Variants in SDK1 observed in about 807,000 individuals in gnomAD.
The protein encoded by SDK1 is sidekick cell adhesion molecule 1.
A neutral mutation model predicts 245.5 loss-of-function variants in SDK1; 157 were observed. The observed-to-expected ratio is 0.64, with a 90% CI of 0.56 to 0.73. The LOEUF (loss-of-function observed/expected upper bound fraction) is 0.73. Among genes scored for constraint, SDK1 ranks in the 30% least tolerant of loss-of-function variants. SDK1 has a pLI of 0.00. For missense variants in SDK1, 3,583 were observed against 3,002.3 expected (o/e 1.19, Z -4.52); for synonymous variants, 1,647 against 1,278.5 (o/e 1.29, Z -6.15).
chr7:4,260,278 C>T (rs371649598), intron 44 of SDK1, among the ~76,000 whole-genome samples: 3 of 138,856 alleles, frequency 2.2e-5, no homozygotes, highest in South Asian at 2.5e-4. Flanking sequence ...TCCAGGGCCT[C>T]GGTGTGTGTG....
At chr7:3,358,429 GTT>G (rs10713399) in intron 1 of SDK1, among the ~76,000 whole-genome samples, 25,864 of 145,976 alleles carry the variant, frequency 0.18, 3,045 homozygotes, top group African/African-American at 0.34. Flanking sequence ...TCATTACAAC[GTT>G]TTTTTTTTTT....
Position 3,301,548 on chromosome 7 carries a change from G to A in SDK1, c.-39G>A. 1.3e-6 allele frequency: 1 copy of A among 759,320 alleles called. No homozygotes were observed. The highest frequency in any genetic ancestry group is 1.6e-6 in the Non-Finnish European group (1 of 627,362). The allele number at this position is 759,320 out of a possible 1,614,324, so 47.0% of individuals were successfully genotyped here. ...GCCGTCCCGCCTGTCCTGCCCGCCC[G>A]TCCGTCCGGCGCGGCGCTCGGGGTG... On this transcript the variant is annotated 5_prime_UTR_variant, in exon 1 of 45. Transcript: ENST00000404826.
chr7:3,322,866 G>A (rs1779852108), intron 1 of SDK1, among the ~76,000 whole-genome samples: 1 of 152,132 alleles, frequency 6.6e-6, no homozygotes, highest in Admixed American at 6.5e-5. Flanking sequence ...CTGGGGTGTG[G>A]TGGTGTGATC....
intron 17 of SDK1, among the ~76,000 whole-genome samples, chr7:4,039,527 A>T (rs1234802220): frequency 2.0e-5 from 3 of 152,238 alleles, no homozygotes; most frequent in Non-Finnish European, 4.4e-5. Flanking sequence ...GAAAAATTCA[A>T]AAAGCAAAGC....
At chr7:3,884,431 A>C (rs1367965599) in intron 5 of SDK1, among the ~76,000 whole-genome samples, 3 of 152,148 alleles carry the variant, frequency 2.0e-5, no homozygotes, top group Non-Finnish European at 4.4e-5. Context: ...TGTGAGTATC[A>C]CTGCACGCCA....
At chr7:3,969,645 C>T (rs1422684383) in intron 11 of SDK1, among the ~76,000 whole-genome samples, 3 of 152,130 alleles carry the variant, frequency 2.0e-5, no homozygotes, top group African/African-American at 7.2e-5. Context: ...AGGGGCATTG[C>T]AGGAGAGACG....
chr7:4,193,202 A>G (rs911508514), intron 35 of SDK1, among the ~76,000 whole-genome samples: 10 of 132,560 alleles, frequency 7.5e-5, no homozygotes, highest in African/African-American at 2.6e-4. Context: ...TAATATATTT[A>G]TATATTAATA....
intron 41 of SDK1, among the ~76,000 whole-genome samples, chr7:4,235,973 G>A (rs1356115057): frequency 2.0e-5 from 3 of 152,240 alleles, no homozygotes; most frequent in Non-Finnish European, 4.4e-5. Flanking sequence ...TGTGGCATGC[G>A]TCAGACTTGC....
intron 4 of SDK1, among the ~76,000 whole-genome samples, chr7:3,682,510 G>T (rs1264755644): frequency 3.3e-5 from 5 of 152,294 alleles, no homozygotes; most frequent in Non-Finnish European, 5.9e-5. Flanking sequence ...GAACTGTCCA[G>T]GGTCAGAACT....
chr7:3,975,931 GA>G lies in SDK1; in HGVS notation c.1994+1387del, dbSNP rs879610396. Among the ~76,000 whole-genome samples, 1,375 of 146,940 alleles carry G rather than the reference GA, an allele frequency of 9.4e-3. 10 individuals are homozygous for G. The highest frequency in any genetic ancestry group is 0.012 in the Non-Finnish European group (780 of 66,134). On this transcript the variant is annotated intron_variant, in intron 13 of 44. Transcript: ENST00000404826. ...GTAGAGGGTCCTCCAGAGAATCACT[GA>G]GGGTCCCGGGGCTGAGGCTGCCACG...
At chr7:3,805,328 A>G (rs1257166003) in intron 4 of SDK1, among the ~76,000 whole-genome samples, 1 of 152,172 alleles carries the variant, frequency 6.6e-6, no homozygotes, top group Non-Finnish European at 1.5e-5. Context: ...ATCTGCAAAT[A>G]GAGGCAGTTC....
At chr7:3,455,651 C>T (rs1227302596) in intron 1 of SDK1, among the ~76,000 whole-genome samples, 1 of 152,084 alleles carries the variant, frequency 6.6e-6, no homozygotes, top group Admixed American at 6.6e-5. Flanking sequence ...GACTCTTCCT[C>T]CACCGATACC....
At chr7:3,715,344 G>A (rs957876925) in intron 4 of SDK1, among the ~76,000 whole-genome samples, 4 of 152,060 alleles carry the variant, frequency 2.6e-5, no homozygotes, top group Admixed American at 1.3e-4. Context: ...AGCATTTTCC[G>A]ATCCGTTTAC....
intron 40 of SDK1, among the ~76,000 whole-genome samples, chr7:4,232,407 CTTTCTTTTT>C (rs1226151992): frequency 1.2e-4 from 9 of 73,190 alleles, no homozygotes; most frequent in African/African-American, 4.1e-4. Context: ...CTTTTCTTTT[CTTTCTTTTT>C]TTTTTTTTTT....
chr7:3,765,465 T>G (rs1235061264), intron 4 of SDK1, among the ~76,000 whole-genome samples: 1 of 152,214 alleles, frequency 6.6e-6, no homozygotes, highest in Non-Finnish European at 1.5e-5. Context: ...TGGCTCAACG[T>G]TATGCTTGTA....
chr7:4,152,871 C>T (rs972648745), intron 30 of SDK1, among the ~76,000 whole-genome samples: 2 of 152,130 alleles, frequency 1.3e-5, no homozygotes, highest in Non-Finnish European at 2.9e-5. Context: ...TGGGTCGAGA[C>T]CCCCAGGGAG....
Position 3,705,414 on chromosome 7 carries a change from A to G in SDK1, c.713+63309A>G, listed in dbSNP as rs1462627180. Among the ~76,000 whole-genome samples, 5 of 145,410 alleles carry G rather than the reference A, an allele frequency of 3.4e-5. No individual in the cohort carries two copies. In the East Asian group the frequency reaches 1.0e-3, roughly 29 times the overall value. ...AGATTTTTCACCTGCTTGGTTAAGT[A>G]TATTCCTAGTGATTTTATTTTATTT... On this transcript the variant is annotated intron_variant, in intron 4 of 44. Coordinates refer to ENST00000404826, the MANE Select transcript of SDK1 (RefSeq NM_152744.4).
At chr7:3,480,800 CA>C (rs1781498232) in intron 1 of SDK1, among the ~76,000 whole-genome samples, 1 of 152,208 alleles carries the variant, frequency 6.6e-6, no homozygotes, top group South Asian at 2.1e-4. Flanking sequence ...GAAGCTTGAA[CA>C]GGTGAGGAAA....
At chr7:4,071,232 T>A (rs1326214626) in intron 20 of SDK1, among the ~76,000 whole-genome samples, 1 of 151,352 alleles carries the variant, frequency 6.6e-6, no homozygotes, top group Non-Finnish European at 1.5e-5. Flanking sequence ...ACCATATTGG[T>A]AAGGCTGGTC....
Sources: allele counts gnomAD v4.1 joint callset (sites outside exome capture counted in the v4.1 genomes callset), GRCh38; gene constraint gnomAD v4.1.1; transcripts MANE v1.5; gene names NCBI Gene and HGNC (gene_info 2026-07-23, HGNC 2026-07-21).